Variants in COP1 observed in about 807,000 individuals in gnomAD.
COP1 encodes E3 ubiquitin-protein ligase COP1.
A neutral mutation model predicts 101.3 loss-of-function variants in COP1; 24 were observed. That is an observed-to-expected ratio of 0.24 (90% CI 0.17 to 0.33). COP1 has a LOEUF of 0.33. Ranked by LOEUF, COP1 falls within the 10% of genes least tolerant of loss-of-function variation. The probability of loss-of-function intolerance (pLI) is 1.00; values close to 1 mark genes in which losing one functional copy is unlikely to be tolerated. For missense variants in COP1, 663 were observed against 906.2 expected, an observed-to-expected ratio of 0.73 and a Z score of 3.45; for synonymous variants, 347 against 341.9, an observed-to-expected ratio of 1.01 and a Z score of -0.17.
At chr1:176,072,685 A>C (rs2481655) in intron 11 of COP1, among the ~76,000 whole-genome samples, 41,079 of 152,130 alleles carry the variant, frequency 0.27, 6,631 homozygotes, top group East Asian at 0.49. Flanking sequence ...CTCTACAATA[A>C]GGAACATATT....
chr1:176,014,688 G>A (rs1045923215), intron 15 of COP1, among the ~76,000 whole-genome samples: 29 of 152,090 alleles, frequency 1.9e-4, no homozygotes, highest in African/African-American at 7.0e-4. Context: ...ACTCTATGTT[G>A]GCTTTGTATT....
intron 11 of COP1, among the ~76,000 whole-genome samples, chr1:176,057,510 T>C (rs1673790374): frequency 6.6e-6 from 1 of 152,168 alleles, no homozygotes; most frequent in South Asian, 2.1e-4. Flanking sequence ...GGTTTTCGTA[T>C]TTTTTTGGTG....
At chr1:176,186,656 G>A (rs1698482930) in intron 1 of COP1, among the ~76,000 whole-genome samples, 1 of 152,150 alleles carries the variant, frequency 6.6e-6, no homozygotes. Context: ...GAGGAGTGAT[G>A]GGATTTGACA....
chr1:175,976,590 T>C (rs188298963), intron 18 of COP1, among the ~76,000 whole-genome samples: 219 of 152,272 alleles, frequency 1.4e-3, no homozygotes, highest in African/African-American at 4.8e-3. Context: ...ATTTATTCCT[T>C]CTTATTAGTT....
intron 11 of COP1, among the ~76,000 whole-genome samples, chr1:176,078,691 C>T (rs1678536548): frequency 6.6e-6 from 1 of 151,288 alleles, no homozygotes; most frequent in Admixed American, 6.6e-5. Context: ...AAGAAATTGC[C>T]AACAGAGTAA....
At chr1:176,074,316 T>G (rs1677564265) in intron 11 of COP1, among the ~76,000 whole-genome samples, 1 of 152,184 alleles carries the variant, frequency 6.6e-6, no homozygotes, top group Non-Finnish European at 1.5e-5. Flanking sequence ...ATCAATGATG[T>G]GTTTGAATAT....
intron 8 of COP1, among the ~76,000 whole-genome samples, 167 bp downstream of exon 8, chr1:176,134,843 C>T (rs1238512386): frequency 6.6e-6 from 1 of 151,950 alleles, no homozygotes; most frequent in Non-Finnish European, 1.5e-5. Flanking sequence ...GCATGAAATC[C>T]AACGCATTAA....
intron 9 of COP1, among the ~76,000 whole-genome samples, chr1:176,087,867 A>C (rs1680505396): frequency 3.9e-5 from 6 of 152,198 alleles, no homozygotes; most frequent in Admixed American, 3.9e-4. Context: ...AATGTCCATC[A>C]ATGATAGACT....
chr1:176,106,948 T>C (rs1403778748), intron 9 of COP1, among the ~76,000 whole-genome samples: 3 of 152,132 alleles, frequency 2.0e-5, no homozygotes, highest in Admixed American at 6.6e-5. Context: ...CCCAAGCCAG[T>C]AGTGATTCTA....
chr1:176,087,158 G>C (rs1391554630), intron 9 of COP1, among the ~76,000 whole-genome samples: 1 of 152,114 alleles, frequency 6.6e-6, no homozygotes, highest in African/African-American at 2.4e-5. Flanking sequence ...TAAAAACCTA[G>C]AAGAAAACCT....
At chr1:175,949,308 G>C in intron 18 of COP1, among the ~76,000 whole-genome samples, 1 of 143,826 alleles carries the variant, frequency 7.0e-6, no homozygotes, top group Non-Finnish European at 1.5e-5. Context: ...GGGGGCTGGG[G>C]TGAGGGGAAA....
At chr1:175,993,350 A>C (rs1179780649) in intron 15 of COP1, among the ~76,000 whole-genome samples, 1 of 152,222 alleles carries the variant, frequency 6.6e-6, no homozygotes, top group Non-Finnish European at 1.5e-5. Flanking sequence ...TCCTCCTCCA[A>C]AGGAACGCAG....
chr1:175,994,205 G>A (rs1384466587), intron 15 of COP1, among the ~76,000 whole-genome samples: 1 of 152,132 alleles, frequency 6.6e-6, no homozygotes, highest in East Asian at 1.9e-4. Context: ...GAGAGAATCT[G>A]TCACCACCAG....
chr1:176,097,316 G>A (rs1459192130), intron 9 of COP1, among the ~76,000 whole-genome samples: 2 of 151,878 alleles, frequency 1.3e-5, no homozygotes, highest in African/African-American at 4.8e-5. Flanking sequence ...TTTTCCTCAT[G>A]GAACACCAGT....
At chr1:176,076,657 T>C (rs1005992734) in intron 11 of COP1, among the ~76,000 whole-genome samples, 1 of 151,586 alleles carries the variant, frequency 6.6e-6, no homozygotes, top group African/African-American at 2.4e-5. Flanking sequence ...CAAAAGTCCA[T>C]ACAAAAGATA....
At chr1:175,995,117 A>G (rs1302980917) in intron 15 of COP1, among the ~76,000 whole-genome samples, 4 of 152,226 alleles carry the variant, frequency 2.6e-5, no homozygotes, top group Non-Finnish European at 5.9e-5. Flanking sequence ...AACTACATGG[A>G]AAGTGAACAA....
chr1:175,969,070 T>C (rs979221597), intron 18 of COP1, among the ~76,000 whole-genome samples: 17 of 152,220 alleles, frequency 1.1e-4, no homozygotes, highest in African/African-American at 3.9e-4. Flanking sequence ...TCCAGACTAC[T>C]CTGGTAAAGC....
chr1:176,097,800 C>T (rs1005723963), intron 9 of COP1, among the ~76,000 whole-genome samples: 4 of 139,010 alleles, frequency 2.9e-5, no homozygotes, highest in South Asian at 2.5e-4. Flanking sequence ...ACATGGGAAG[C>T]GGAGGTTGCA....
At chr1:175,996,336 A>C (rs1338783465) in intron 15 of COP1, among the ~76,000 whole-genome samples, 8 of 152,204 alleles carry the variant, frequency 5.3e-5, no homozygotes, top group African/African-American at 1.9e-4. Context: ...GAAAACTGGC[A>C]CAAGACAGGG....
Sources: gnomAD v4.1 joint callset for allele counts (sites outside exome capture counted in the v4.1 genomes callset) on GRCh38, gnomAD v4.1.1 for gene constraint, MANE v1.5 for transcripts, NCBI Gene and HGNC (gene_info 2026-07-23, HGNC 2026-07-21) for gene names.